The following GSDMC variants were observed in gnomAD, a reference collection of about 807,000 sequenced individuals.
GSDMC encodes the protein gasdermin C.
In GSDMC, 59 loss-of-function variants were observed where a neutral mutation model predicts 58.0. The observed-to-expected ratio is 1.02, with a 90% CI of 0.82 to 1.26. The LOEUF (loss-of-function observed/expected upper bound fraction) is 1.26. Among genes scored for constraint, GSDMC ranks in the 50% most tolerant of loss-of-function variants. The probability of loss-of-function intolerance (pLI) is 0.00; values close to 1 mark genes in which losing one functional copy is unlikely to be tolerated. For missense variants in GSDMC, 659 were observed against 598.5 expected (o/e 1.10, Z -1.06); for synonymous variants, 241 against 220.2 (o/e 1.09, Z -0.83).
the GSDMC span, among the ~76,000 whole-genome samples, chr8:129,733,373 G>C: frequency 6.6e-6 from 1 of 152,232 alleles, no homozygotes; most frequent in Non-Finnish European, 1.5e-5. Flanking sequence ...GTGGGTCCCT[G>C]ACCCCCATGT....
chr8:129,724,051 T>C, the GSDMC span, among the ~76,000 whole-genome samples: 2 of 152,230 alleles, frequency 1.3e-5, no homozygotes, highest in Admixed American at 1.3e-4. Flanking sequence ...CCAGGCTTGC[T>C]GTATCCTGAG....
chr8:129,752,965 A>C, intron 6 of GSDMC, 145 bp from the exon 7 acceptor site: 2 of 1,375,568 alleles, frequency 1.5e-6, no homozygotes, highest in East Asian at 4.9e-5. Context: ...CTCAAAGAGG[A>C]ATTGCCCATT....
At position 129,751,524 on chromosome 8, in the gene GSDMC, C is replaced by A. The variant is rs372434127; in HGVS notation, c.943+18G>T. 2 of 1,607,922 alleles carry A rather than the reference C, an allele frequency of 1.2e-6. No homozygotes were observed. Among genetic ancestry groups the A allele is most frequent in the East Asian group, 4.5e-5 (2 of 44,628 alleles). On this transcript the variant is annotated intron_variant, in intron 10 of 13. Transcript: ENST00000276708. Reference sequence around the variant, plus strand: ...CTCCCACCCAGAAGCCCCAGGTTCCCCCTTAATAAATACTTACTTTGCCAG... The same window carrying A: ...CTCCCACCCAGAAGCCCCAGGTTCCACCTTAATAAATACTTACTTTGCCAG...
the GSDMC span, among the ~76,000 whole-genome samples, chr8:129,714,102 A>G: frequency 1.3e-5 from 2 of 152,218 alleles, no homozygotes; most frequent in African/African-American, 4.8e-5. Flanking sequence ...GTGACAGCCT[A>G]AAGCAATTGG....
chr8:129,724,739 C>T, the GSDMC span, among the ~76,000 whole-genome samples: 1 of 151,972 alleles, frequency 6.6e-6, no homozygotes, highest in African/African-American at 2.4e-5. Context: ...CAAAAAGGAA[C>T]TATTGGAAAT....
intron 6 of GSDMC, among the ~76,000 whole-genome samples, chr8:129,757,323 C>T (rs975800267): frequency 2.6e-5 from 4 of 151,962 alleles, no homozygotes; most frequent in African/African-American, 9.7e-5. Flanking sequence ...CATTCCTAGA[C>T]CCAGAGAACC....
chr8:129,756,253 G>C (rs765047313), intron 6 of GSDMC, among the ~76,000 whole-genome samples: 23 of 146,358 alleles, frequency 1.6e-4, no homozygotes, highest in Non-Finnish European at 2.9e-4. Flanking sequence ...ACTGTAAGGA[G>C]AGACAAAAAA....
the GSDMC span, among the ~76,000 whole-genome samples, chr8:129,718,552 G>A: frequency 9.2e-5 from 14 of 152,308 alleles, no homozygotes; most frequent in South Asian, 2.7e-3. Flanking sequence ...GAGAGGATGT[G>A]GAGAAATTGT....
At chr8:129,723,931 T>C in the GSDMC span, among the ~76,000 whole-genome samples, 1 of 152,248 alleles carries the variant, frequency 6.6e-6, no homozygotes, top group Non-Finnish European at 1.5e-5. Context: ...CTGGAACTTC[T>C]AGCAAATAGT....
rs117339131 is a variant in GSDMC, at chr8:129,754,060, G to A, written c.722-1240C>T. 3.3e-5 allele frequency among the ~76,000 whole-genome samples: 5 copies of A among 152,322 alleles called. No individual in the cohort carries two copies. The East Asian group carries it at 9.6e-4, about 29-fold the overall frequency. On this transcript the variant is annotated intron_variant, in intron 6 of 13. Coordinates refer to ENST00000276708, the MANE Select transcript of GSDMC (RefSeq NM_031415.3). ...AAACAGCATCTCTGTACCCACCCAAGGCCTGGGAAAACTCACTGCTCTGAC... is the reference window on the plus strand; with the variant it reads ...AAACAGCATCTCTGTACCCACCCAAAGCCTGGGAAAACTCACTGCTCTGAC...
the GSDMC span, among the ~76,000 whole-genome samples, chr8:129,737,319 G>A: frequency 2.6e-5 from 4 of 152,134 alleles, no homozygotes; most frequent in African/African-American, 9.7e-5. Context: ...CCAAAAAAGA[G>A]CCTGCATTGC....
chr8:129,719,011 T>C, the GSDMC span, among the ~76,000 whole-genome samples: 1 of 150,852 alleles, frequency 6.6e-6, no homozygotes, highest in African/African-American at 2.4e-5. Context: ...GGGAGGGGAG[T>C]ATCACACACC....
At chr8:129,757,189 G>T (rs959673361) in intron 6 of GSDMC, among the ~76,000 whole-genome samples, 2 of 151,054 alleles carry the variant, frequency 1.3e-5, no homozygotes, top group Non-Finnish European at 3.0e-5. Context: ...TGGAGAGGAC[G>T]CAAATAAAAT....
chr8:129,705,567 A>T, the GSDMC span: 9 of 152,636 alleles, frequency 5.9e-5, no homozygotes, highest in African/African-American at 2.2e-4. Flanking sequence ...GCAGCAGGAG[A>T]AGTGCCAAGC....
At chr8:129,749,398 C>T (rs4527833) in intron 13 of GSDMC, 54 bp downstream of exon 13, 603,129 of 1,213,750 alleles carry the variant, frequency 0.5, 154,244 homozygotes, top group African/African-American at 0.78. Context: ...ATTCTTCTTA[C>T]CTCTGGTTCC....
chr8:129,781,107 G>A (rs556499280), intron 1 of GSDMC, among the ~76,000 whole-genome samples: 1 of 152,072 alleles, frequency 6.6e-6, no homozygotes, highest in South Asian at 2.1e-4. Context: ...CTAAAAGGAA[G>A]AAGAAAAAGA....
rs200006561 is a variant in GSDMC, at chr8:129,752,774, C to T, written c.768G>A (p.Glu256=). The T allele has an allele frequency of 6.2e-7, 1 of 1,614,068 alleles. No individual in the cohort carries two copies. The highest frequency in any genetic ancestry group is 8.5e-7 in the Non-Finnish European group (1 of 1,180,034). Residue 256 remains glutamate (E), a synonymous_variant, in exon 7 of 14, where the codon GAG becomes GAA. Coordinates refer to ENST00000276708, the MANE Select transcript of GSDMC (RefSeq NM_031415.3). ...EMVGYCAARS[E]GLLPSFHTIS... ...TGGTATGAAATGATGGTAGCAACCC[C>T]TCACTCCTCGCAGCACAGTAGCCTA...
chr8:129,746,003 TCA>T (rs57720841), downstream of GSDMC, among the ~76,000 whole-genome samples: 24,457 of 151,726 alleles, frequency 0.16, 2,556 homozygotes, highest in Non-Finnish European at 0.23. Context: ...TGAGAAAAAC[TCA>T]TTTACCCTAT....
chr8:129,749,447 C>T lies in GSDMC; in HGVS notation c.1287+5G>A. On this transcript the variant is annotated splice_donor_5th_base_variant and intron_variant, in intron 13 of 13. Transcript: ENST00000276708. The stretch of plus-strand genomic sequence containing the variant: ...CTGAACTTCTGGCCCCTGGGAAGTT[C>T]TCACCAGCTCCTGTTGCTGAAGCAG... 6.2e-7 allele frequency: 1 copy of T among 1,607,794 alleles called. No individual in the cohort carries two copies.
Sources: gnomAD v4.1 joint callset for allele counts (sites outside exome capture counted in the v4.1 genomes callset) on GRCh38, gnomAD v4.1.1 for gene constraint, MANE v1.5 for transcripts, NCBI Gene and HGNC (gene_info 2026-07-23, HGNC 2026-07-21) for gene names.